GLRA2: variants seen among roughly 807,000 people sequenced by gnomAD.
GLRA2 encodes the protein glycine receptor alpha 2, also known as glycine receptor subunit alpha-2.
Under a neutral mutation model 31.6 loss-of-function variants are expected in GLRA2, and 11 were observed. That is an observed-to-expected ratio of 0.35 (90% CI 0.22 to 0.58). The LOEUF (loss-of-function observed/expected upper bound fraction) is 0.58, where lower values mean the gene tolerates loss of function less well. GLRA2 is among the 20% of genes least tolerant of loss of function. The pLI is 0.84. For synonymous variants in GLRA2, 132 were observed against 134.0 expected (o/e 0.99, Z 0.10); for missense variants, 212 against 351.8 (o/e 0.60, Z 3.18).
intron 3 of GLRA2, among the ~76,000 whole-genome samples, chrX:14,577,045 C>T (rs1432721136): frequency 8.9e-6 from 1 of 112,817 alleles, no homozygotes; most frequent in Non-Finnish European, 1.9e-5. Flanking sequence ...AATCCTCAGG[C>T]CACCGAGGGT....
chrX:14,532,393 C>G, intron 2 of GLRA2, 21 bp downstream of exon 2: 1 of 1,088,494 alleles, frequency 9.2e-7, no homozygotes, highest in Non-Finnish European at 1.2e-6. Flanking sequence ...CTTAAACTTA[C>G]GTTAAGCCTT....
the GLRA2 span, among the ~76,000 whole-genome samples, chrX:14,511,649 A>G: frequency 0.019 from 2,129 of 111,835 alleles, 48 homozygotes; most frequent in African/African-American, 0.066. Context: ...CTTTTTATCT[A>G]TTTTCCTAAA....
chrX:14,723,484 A>G (rs2091890188), intron 8 of GLRA2, among the ~76,000 whole-genome samples: 1 of 112,287 alleles, frequency 8.9e-6, no homozygotes, highest in Admixed American at 9.4e-5. Flanking sequence ...CATGGCAACC[A>G]AAGTGATTTA....
intron 2 of GLRA2, among the ~76,000 whole-genome samples, chrX:14,556,365 T>C (rs1328032715): frequency 1.8e-5 from 2 of 111,651 alleles, no homozygotes; most frequent in East Asian, 5.6e-4. Context: ...TTTAGGTTCA[T>C]GAAAAATTCT....
chrX:14,596,572 G>A (rs763660703), intron 4 of GLRA2, among the ~76,000 whole-genome samples: 2 of 110,718 alleles, frequency 1.8e-5, no homozygotes, highest in East Asian at 5.7e-4. Flanking sequence ...GCTTGAACTC[G>A]GGAGGTGGAG....
chrX:14,603,935 A>C (rs768785212), intron 4 of GLRA2, among the ~76,000 whole-genome samples: 1 of 111,397 alleles, frequency 9.0e-6, no homozygotes, highest in Admixed American at 9.5e-5. Context: ...GTGTAATTCT[A>C]AAATAGTATA....
At chrX:14,531,042 T>C in intron 1 of GLRA2, 3 of 967,247 alleles carry the variant, frequency 3.1e-6, no homozygotes, top group Non-Finnish European at 4.0e-6. Flanking sequence ...TCCTTTCAGG[T>C]TTACACCTCC....
In GLRA2 at chrX:14,591,713, A is replaced by G. The variant is rs1310927627; in HGVS notation, c.494+10307A>G. ...CATCCTTCAATCCAATCAAGTTGAC[A>G]CTCAATATTAACCATTACAGATCTT... On this transcript the variant is annotated intron_variant, in intron 4 of 8. Coordinates refer to ENST00000218075, the MANE Select transcript of GLRA2 (RefSeq NM_002063.4). 5.4e-5 allele frequency among the ~76,000 whole-genome samples: 6 copies of G among 111,730 alleles called. No individual in the cohort carries two copies. In the Admixed American group the frequency reaches 5.7e-4, roughly 11 times the overall value.
Position 14,532,296 on chromosome X carries a change from A to G in GLRA2, c.126A>G (p.Leu42=), listed in dbSNP as rs1382596900. ...CTGGAAAACAACCTTCACAGACCCT[A>G]TCTCCTTCAGATTTCTTGGACAAGT... The part of the protein sequence containing the change: ...SRSGKQPSQT[L]SPSDFLDKLM... Residue 42 remains leucine, a synonymous_variant, in exon 2 of 9, where the codon CTA becomes CTG. Coordinates refer to ENST00000218075, the MANE Select transcript of GLRA2 (RefSeq NM_002063.4). 2.5e-6 allele frequency: 3 copies of G among 1,191,222 alleles called. No individual in the cohort carries two copies. The highest frequency in any genetic ancestry group is 1.8e-5 in the South Asian group (1 of 55,700).
chrX:14,458,488 A>G, the GLRA2 span, among the ~76,000 whole-genome samples: 1 of 112,143 alleles, frequency 8.9e-6, no homozygotes, highest in East Asian at 2.8e-4. Flanking sequence ...AGTCCCACCA[A>G]CTGTGTAAAA....
chrX:14,491,975 C>T, the GLRA2 span, among the ~76,000 whole-genome samples: 1 of 111,330 alleles, frequency 9.0e-6, no homozygotes, highest in Non-Finnish European at 1.9e-5. Context: ...GTTTCCTTAG[C>T]TTGGGAAGTA....
the GLRA2 span, among the ~76,000 whole-genome samples, chrX:14,489,931 T>C: frequency 9.0e-6 from 1 of 110,867 alleles, no homozygotes; most frequent in Non-Finnish European, 1.9e-5. Context: ...TGAAAAATCC[T>C]ATAATAGTAC....
intron 2 of GLRA2, among the ~76,000 whole-genome samples, chrX:14,568,785 A>G (rs955707931): frequency 1.8e-5 from 2 of 111,291 alleles, no homozygotes; most frequent in African/African-American, 3.3e-5. Flanking sequence ...CCTCTCTCAT[A>G]CCATATACAA....
intron 4 of GLRA2, among the ~76,000 whole-genome samples, chrX:14,590,354 C>T (rs1363292076): frequency 1.8e-5 from 2 of 111,246 alleles, no homozygotes; most frequent in Non-Finnish European, 3.8e-5. Flanking sequence ...AACGATGTTC[C>T]TCCAAACAAT....
intron 8 of GLRA2, among the ~76,000 whole-genome samples, chrX:14,707,611 TATCATGG>T (rs2091644276): frequency 4.5e-5 from 4 of 88,581 alleles, no homozygotes; most frequent in Non-Finnish European, 6.3e-5. Context: ...ACAAAGAAAA[TATCATGG>T]TATATCCTGC....
intron 4 of GLRA2, among the ~76,000 whole-genome samples, chrX:14,595,025 C>T (rs749760856): frequency 2.7e-5 from 3 of 109,592 alleles, no homozygotes; most frequent in Non-Finnish European, 5.7e-5. Context: ...TTAGAAACAA[C>T]CTGGGATTTA....
chrX:14,582,824 A>T (rs1318737394), intron 4 of GLRA2, among the ~76,000 whole-genome samples: 1 of 111,786 alleles, frequency 8.9e-6, no homozygotes, highest in African/African-American at 3.3e-5. Flanking sequence ...CAACTACTCA[A>T]CTCTATCATT....
intron 8 of GLRA2, among the ~76,000 whole-genome samples, chrX:14,700,348 GGGGAAGGCAGTGTAA>G (rs754698485): frequency 9.0e-4 from 100 of 110,771 alleles, no homozygotes; most frequent in South Asian, 4.3e-3. Context: ...GGGAATGGAA[GGGGAAGGCAGTGTAA>G]GGGAAGGCAG....
chrX:14,726,894 G>A (rs1469174959), intron 8 of GLRA2, among the ~76,000 whole-genome samples: 2 of 112,040 alleles, frequency 1.8e-5, no homozygotes, highest in African/African-American at 6.5e-5. Context: ...TTATCTTACT[G>A]AGGCGGTGAA....
Sources: gnomAD v4.1 joint callset for allele counts (sites outside exome capture counted in the v4.1 genomes callset) on GRCh38, gnomAD v4.1.1 for gene constraint, MANE v1.5 for transcripts, NCBI Gene and HGNC (gene_info 2026-07-23, HGNC 2026-07-21) for gene names.